The following HTRA3 variants were observed in gnomAD, a reference collection of about 807,000 sequenced individuals.
HTRA3 encodes the protein HtrA serine peptidase 3.
A neutral mutation model predicts 43.2 loss-of-function variants in HTRA3; 41 were observed. The observed-to-expected ratio is 0.95, with a 90% CI of 0.74 to 1.23. The LOEUF (loss-of-function observed/expected upper bound fraction) is 1.23, where lower values mean the gene tolerates loss of function less well. HTRA3 is among the 50% of genes most tolerant of loss of function. HTRA3 has a pLI of 0.00. For synonymous variants in HTRA3, 295 were observed against 287.9 expected (o/e 1.02, Z -0.25); for missense variants, 628 against 647.1 (o/e 0.97, Z 0.32).
intron 3 of HTRA3, among the ~76,000 whole-genome samples, chr4:8,287,562 T>C (rs1161324609): frequency 6.6e-6 from 1 of 150,598 alleles, no homozygotes; most frequent in Non-Finnish European, 1.5e-5. Context: ...AGAGAGAGAG[T>C]GAAGTGGGAC....
intron 8 of HTRA3, among the ~76,000 whole-genome samples, chr4:8,304,852 T>G (rs778801893): frequency 6.6e-6 from 1 of 151,780 alleles, no homozygotes; most frequent in Non-Finnish European, 1.5e-5. Flanking sequence ...AGAGAAGGGG[T>G]TTCACCACGT....
intron 6 of HTRA3, among the ~76,000 whole-genome samples, chr4:8,301,014 TCA>T (rs376154483): frequency 5.3e-4 from 79 of 150,040 alleles, no homozygotes; most frequent in African/African-American, 1.8e-3. Flanking sequence ...CTTTATTGAT[TCA>T]CACTCATCTT....
chr4:8,300,536 C>A (rs1326716480), intron 6 of HTRA3, among the ~76,000 whole-genome samples: 1 of 152,132 alleles, frequency 6.6e-6, no homozygotes, highest in Non-Finnish European at 1.5e-5. Flanking sequence ...TCACAATATT[C>A]TCTTATTATT....
chr4:8,273,533 C>A (rs1411264197), intron 1 of HTRA3, among the ~76,000 whole-genome samples: 3 of 150,662 alleles, frequency 2.0e-5, no homozygotes, highest in African/African-American at 2.4e-5. Context: ...CCCCCCCGCA[C>A]CCCCGCCCCA....
chr4:8,292,181 A>G (rs1411350941), intron 4 of HTRA3, 140 bp from the exon 5 acceptor site: 2 of 676,074 alleles, frequency 3.0e-6, no homozygotes, highest in Non-Finnish European at 5.2e-6. Flanking sequence ...AAATGGGGGC[A>G]GCACTGAGGC....
At chr4:8,300,367 G>A (rs554311550) in intron 6 of HTRA3, among the ~76,000 whole-genome samples, 9 of 151,598 alleles carry the variant, frequency 5.9e-5, no homozygotes, top group Non-Finnish European at 1.2e-4. Context: ...TAGGCTTGAA[G>A]TTTTTTTTTG....
At chr4:8,294,245 C>T (rs1344509022) in intron 6 of HTRA3, 44 bp downstream of exon 6, 2 of 1,403,876 alleles carry the variant, frequency 1.4e-6, no homozygotes, top group Non-Finnish European at 1.0e-6. Context: ...GGGGCACTCT[C>T]CCAGGGCTAC....
intron 3 of HTRA3, among the ~76,000 whole-genome samples, chr4:8,288,895 G>A (rs7375908): frequency 6.1e-5 from 6 of 98,020 alleles, no homozygotes; most frequent in Admixed American, 2.7e-4. Flanking sequence ...CCTTCCTTCC[G>A]TCCGTCCTTC....
intron 2 of HTRA3, among the ~76,000 whole-genome samples, chr4:8,285,243 G>A (rs1425232199): frequency 6.6e-6 from 1 of 152,200 alleles, no homozygotes; most frequent in Non-Finnish European, 1.5e-5. Context: ...GTCACATGGG[G>A]TTAGGACTTG....
intron 6 of HTRA3, among the ~76,000 whole-genome samples, chr4:8,300,299 A>G (rs1713591069): frequency 1.3e-5 from 2 of 152,240 alleles, no homozygotes; most frequent in Admixed American, 6.5e-5. Flanking sequence ...AGGAGTTTGT[A>G]TAGAATTAGT....
chr4:8,295,582 C>A lies in HTRA3; in HGVS notation c.1051+1381C>A. ...CTCTCCCTCCCCACCTTCTCTTCAGCCCTAGTGAGCTTCTCCCTCCTGCCA... is the reference window on the plus strand; with the variant it reads ...CTCTCCCTCCCCACCTTCTCTTCAGACCTAGTGAGCTTCTCCCTCCTGCCA... On this transcript the variant is annotated intron_variant, in intron 6 of 8. Transcript: ENST00000307358. This position sits in a 1 kb window ranked among gnomAD's most constrained non-coding sequence, Gnocchi z 6.9. The A allele has an allele frequency of 1.4e-6, 1 of 699,652 alleles. No homozygotes were observed. Among genetic ancestry groups the A allele is most frequent in the South Asian group, 3.9e-5 (1 of 25,904 alleles). 43.3% of individuals were successfully genotyped at this position (699,652 alleles called of 1,614,324 possible).
intron 1 of HTRA3, among the ~76,000 whole-genome samples, chr4:8,273,004 G>A (rs750595683): frequency 1.2e-4 from 19 of 152,186 alleles, no homozygotes; most frequent in African/African-American, 2.9e-4. Flanking sequence ...TTGGGTGCCC[G>A]GCCTCTCCCC....
At position 8,291,574 on chromosome 4, in the gene HTRA3, A is replaced by AG. The variant is rs1363747667; in HGVS notation, c.903+13dup. ...GGATGCCATCATCAACGTGAGTCCC[A>AG]GGGACAGGAGGCCGGGGCACCTGCC... is the stretch of plus-strand genomic sequence containing the variant. On this transcript the variant is annotated intron_variant, in intron 4 of 8. Transcript: ENST00000307358. The AG allele has an allele frequency of 1.0e-5, 16 of 1,550,980 alleles. No individual in the cohort carries two copies. Among genetic ancestry groups the AG allele is most frequent in the Non-Finnish European group, 1.3e-5 (15 of 1,146,082 alleles).
intron 3 of HTRA3, among the ~76,000 whole-genome samples, chr4:8,290,277 C>T (rs1163690057): frequency 1.3e-5 from 2 of 152,248 alleles, no homozygotes; most frequent in African/African-American, 4.8e-5. Flanking sequence ...CAGCTTTCTC[C>T]TCGTATTGAA....
In HTRA3 at chr4:8,297,954, T is replaced by A. The variant is rs1052352559; in HGVS notation, c.1051+3753T>A. On this transcript the variant is annotated intron_variant, in intron 6 of 8. Coordinates refer to ENST00000307358, the MANE Select transcript of HTRA3 (RefSeq NM_053044.5). The surrounding 1 kb of genome is among the most constrained non-coding windows in gnomAD (Gnocchi z 5.8). ...TGTCAGCCTTGTCCCTCTGTCCCTCTGTCCCTCTGGACTTCCCACATGCCT... is the reference window on the plus strand; with the variant it reads ...TGTCAGCCTTGTCCCTCTGTCCCTCAGTCCCTCTGGACTTCCCACATGCCT... Among the ~76,000 whole-genome samples the A allele has an allele frequency of 6.6e-6, 1 of 152,192 alleles. No individual in the cohort carries two copies. The highest frequency in any genetic ancestry group is 1.5e-5 in the Non-Finnish European group (1 of 68,020).
chr4:8,291,691 T>C lies in HTRA3; in HGVS notation c.903+127T>C, dbSNP rs187733488. On this transcript the variant is annotated intron_variant, in intron 4 of 8. Transcript: ENST00000307358. ...TCTGGCACTCGACACATCCACTTGC[T>C]AGAAAGTTCTCTCTTTACATTCGGT... 1.2e-3 allele frequency: 795 copies of C among 678,346 alleles called. 7 individuals carry two copies. In the African/African-American group the frequency reaches 0.013, roughly 11 times the overall value. The allele number at this position is 678,346 out of a possible 1,614,324, so 42.0% of individuals were successfully genotyped here.
At chr4:8,281,208 G>A (rs544077172) in intron 1 of HTRA3, among the ~76,000 whole-genome samples, 1 of 152,326 alleles carries the variant, frequency 6.6e-6, no homozygotes, top group Admixed American at 6.5e-5. Context: ...CCCCCACAGT[G>A]GCATCCACCA....
intron 3 of HTRA3, among the ~76,000 whole-genome samples, chr4:8,289,263 TG>T (rs1456226133): frequency 1.3e-5 from 2 of 152,204 alleles, no homozygotes; most frequent in Admixed American, 6.5e-5. Flanking sequence ...AAATTTTCCA[TG>T]AAGCCAAATG....
intron 6 of HTRA3, among the ~76,000 whole-genome samples, chr4:8,294,426 G>A (rs796997311): frequency 9.9e-5 from 15 of 151,870 alleles, no homozygotes; most frequent in African/African-American, 3.6e-4. Flanking sequence ...ATTCGTGATC[G>A]GCTTCATCCC....
Sources: allele counts gnomAD v4.1 joint callset (sites outside exome capture counted in the v4.1 genomes callset), GRCh38; gene constraint gnomAD v4.1.1; non-coding constraint Gnocchi (gnomAD v3.1); transcripts MANE v1.5; gene names NCBI Gene and HGNC (gene_info 2026-07-23, HGNC 2026-07-21).